Variants in WAS observed in about 807,000 individuals in gnomAD.
WAS encodes WASP actin nucleation promoting factor, also known as actin nucleation-promoting factor WAS.
In WAS, 1 loss-of-function variant was observed where a neutral mutation model predicts 38.9. That is an observed-to-expected ratio of 0.03 (90% confidence interval 0.01 to 0.12). The LOEUF (loss-of-function observed/expected upper bound fraction) is 0.12. Among genes scored for constraint, WAS ranks in the 10% least tolerant of loss-of-function variants. WAS has a pLI of 1.00. For synonymous variants in WAS, 182 were observed against 173.6 expected (o/e 1.05, Z -0.38); for missense variants, 311 against 431.2 (o/e 0.72, Z 2.47).
chrX:48,689,347 C>T lies in WAS; in HGVS notation c.1366C>T (p.Leu456=). ...KTPGAPESSA[L]QPPPQSSEGL... ...CCCTGGGGCCCCAGAGAGCTCAGCG[C>T]TGCAGCCACCACCTCAGAGCTCAGA... Residue 456 remains leucine (L), a synonymous_variant, in exon 11 of 12, where the codon CTG becomes TTG. Transcript: ENST00000376701. 1 of 1,208,209 alleles carries T rather than the reference C, an allele frequency of 8.3e-7. No homozygotes were observed. The highest frequency in any genetic ancestry group is 1.1e-6 in the Non-Finnish European group (1 of 893,959).
intron 11 of WAS, among the ~76,000 whole-genome samples, chrX:48,690,798 A>T (rs1269900665): frequency 8.9e-6 from 1 of 111,750 alleles, no homozygotes; most frequent in Non-Finnish European, 1.9e-5. Flanking sequence ...TTAACCAGAC[A>T]GGAAGCAATA....
At chrX:48,680,704 T>A (rs2062398935), upstream of WAS, among the ~76,000 whole-genome samples, 1 of 111,753 alleles carries the variant, frequency 8.9e-6, no homozygotes, top group Admixed American at 9.5e-5. Context: ...GTTCCCGGAA[T>A]TGCCCACCCC....
At chrX:48,677,768 G>C (rs2062393985) in intron 1 of WAS, among the ~76,000 whole-genome samples, 1 of 110,683 alleles carries the variant, frequency 9.0e-6, no homozygotes, top group Non-Finnish European at 1.9e-5. Context: ...AACTCTCTGT[G>C]CAAGGGAGCT....
chrX:48,687,834 A>C (rs1364837262), intron 7 of WAS, among the ~76,000 whole-genome samples: 1 of 110,607 alleles, frequency 9.0e-6, no homozygotes, highest in African/African-American at 3.3e-5. Flanking sequence ...AATGCATGGG[A>C]TAGATGGGGA....
upstream of WAS, among the ~76,000 whole-genome samples, chrX:48,679,252 G>A (rs1225001160): frequency 1.8e-5 from 2 of 110,564 alleles, no homozygotes; most frequent in African/African-American, 6.6e-5. Context: ...TCAAACTCCT[G>A]GGCTCAAGCG....
upstream of WAS, among the ~76,000 whole-genome samples, chrX:48,679,832 TGGA>T (rs2062397461): frequency 8.9e-6 from 1 of 112,469 alleles, no homozygotes; most frequent in South Asian, 3.6e-4. Context: ...GCTCTGCCTA[TGGA>T]GTAGTCATTT....
intron 1 of WAS, among the ~76,000 whole-genome samples, chrX:48,677,462 C>T (rs978655088): frequency 8.9e-6 from 1 of 112,028 alleles, no homozygotes; most frequent in Admixed American, 9.5e-5. Flanking sequence ...CTCCTGATCA[C>T]TTTACACAAA....
rs3215413 is a variant in WAS at position 48,690,988 on chromosome X, C to CT, written c.1454-118dup. 49 of 612,760 alleles carry CT rather than the reference C, an allele frequency of 8.0e-5. No homozygotes were observed. The East Asian group carries it at 1.7e-3, about 21-fold the overall frequency. 50.5% of individuals were successfully genotyped at this position (612,760 alleles called of 1,213,427 possible). A position where few individuals can be genotyped will look rare whatever the true frequency, so the allele number is the denominator to read the frequency against. On this transcript the variant is annotated intron_variant, in intron 11 of 11. Transcript: ENST00000376701. Reference sequence around the variant, plus strand: ...CCCTTTCTTGTCCCAAATGGAAACTCTAACTTGCCCTCCTCTAGCATGAGA... The same window carrying CT: ...CCCTTTCTTGTCCCAAATGGAAACTCTTAACTTGCCCTCCTCTAGCATGAGA...
chrX:48,676,721 G>C (rs140273232), exon 1 of WAS: 3,073 of 112,711 alleles, frequency 0.027, 100 homozygotes, highest in African/African-American at 0.095. Context: ...GCGGGGAAGG[G>C]GGCGCCTTCC....
At chrX:48,688,629 G>A (rs1193054061) in intron 9 of WAS, 31 bp from the exon 10 acceptor site, 3 of 1,208,400 alleles carry the variant, frequency 2.5e-6, no homozygotes, top group Non-Finnish European at 3.4e-6. Flanking sequence ...ATCAATGAGA[G>A]TTACAGCTAT....
intron 11 of WAS, among the ~76,000 whole-genome samples, chrX:48,690,892 A>G (rs1350675469): frequency 9.0e-6 from 1 of 111,500 alleles, no homozygotes; most frequent in Non-Finnish European, 1.9e-5. Context: ...TTGTTTGACA[A>G]TATCTCGACT....
Position 48,685,839 on chromosome X carries a change from G to C in WAS, c.463+3G>C, listed in dbSNP as rs1274245256. 16 of 1,200,464 alleles carry C rather than the reference G, an allele frequency of 1.3e-5. No individual in the cohort carries two copies. In the Admixed American group the frequency reaches 3.6e-4, roughly 27 times the overall value. ...AAGGAATCAGAGGCAAAGTGGAGGT[G>C]AGGAGGCCACAGGGGAGGAAAGGAA... is the stretch of plus-strand genomic sequence containing the variant. On this transcript the variant is annotated splice_donor_region_variant and intron_variant, in intron 4 of 11. Coordinates refer to ENST00000376701, the MANE Select transcript of WAS (RefSeq NM_000377.3).
rs1431544968 is a variant in WAS, at chrX:48,688,721, T to G, written c.993T>G (p.Ile331Met). Residue 331 changes from isoleucine to methionine, a missense_variant, in exon 10 of 12, where the codon ATT (isoleucine) becomes ATG (methionine). Coordinates refer to ENST00000376701, the MANE Select transcript of WAS (RefSeq NM_000377.3). ...GGAACCAGCTCCCCCGGCCCCCTAT[T>G]GTGGGGGGTAACAAGGGTCGTTCTG... ...RGGNQLPRPP[I>M]VGGNKGRSGP... is the part of the protein sequence containing the mutation. 2 of 1,179,309 alleles carry G rather than the reference T, an allele frequency of 1.7e-6. No individual in the cohort carries two copies. Among genetic ancestry groups the G allele is most frequent in the Non-Finnish European group, 2.3e-6 (2 of 879,257 alleles).
chrX:48,679,853 C>T (rs2062397509), upstream of WAS, among the ~76,000 whole-genome samples: 1 of 112,215 alleles, frequency 8.9e-6, no homozygotes, highest in Non-Finnish European at 1.9e-5. Context: ...TTTTTTATTC[C>T]TTTACTTTCT....
At chrX:48,688,142 C>A in intron 8 of WAS, 46 bp downstream of exon 8, 1 of 1,177,518 alleles carries the variant, frequency 8.5e-7, no homozygotes, top group African/African-American at 1.8e-5. Context: ...CTTCCACCCA[C>A]CCTTCCAAAG....
intron 2 of WAS, 64 bp downstream of exon 2, chrX:48,684,487 T>C (rs2062413408): frequency 1.8e-6 from 2 of 1,135,649 alleles, no homozygotes; most frequent in Non-Finnish European, 2.4e-6. Flanking sequence ...CAGATCTGTG[T>C]CCATATGTGT....
rs1457393314 is a variant in WAS at position 48,687,533 on chromosome X, T to C, written c.735-521T>C. Among the ~76,000 whole-genome samples, 4 of 110,679 alleles carry C rather than the reference T, an allele frequency of 3.6e-5. No homozygotes were observed. In the South Asian group the frequency reaches 1.1e-3, roughly 32 times the overall value. ...GTGGACAGATTGATATGCAGGCTGA[T>C]TGGCTCACAGACAAGGTGGATGGGG... On this transcript the variant is annotated intron_variant, in intron 7 of 11. Coordinates refer to ENST00000376701, the MANE Select transcript of WAS (RefSeq NM_000377.3).
upstream of WAS, among the ~76,000 whole-genome samples, chrX:48,680,510 A>C (rs1557005662): frequency 9.0e-6 from 1 of 111,591 alleles, no homozygotes; most frequent in African/African-American, 3.3e-5. Flanking sequence ...TGCAGTAAAG[A>C]AGCTGGCTAA....
chrX:48,682,361 G>A (rs1476908605), upstream of WAS, among the ~76,000 whole-genome samples: 2 of 112,260 alleles, frequency 1.8e-5, no homozygotes, highest in African/African-American at 6.5e-5. Context: ...GAGTGAAGGC[G>A]TGGAGGGACG....
Sources: allele counts gnomAD v4.1 joint callset (sites outside exome capture counted in the v4.1 genomes callset), GRCh38; gene constraint gnomAD v4.1.1; transcripts MANE v1.5; gene names NCBI Gene and HGNC (gene_info 2026-07-23, HGNC 2026-07-21).